Variants in KCNQ5 observed in about 807,000 individuals in gnomAD.
KCNQ5 encodes the protein potassium voltage-gated channel subfamily KQT member 5.
In KCNQ5, 30 loss-of-function variants were observed where a neutral mutation model predicts 98.2. The ratio of observed to expected loss-of-function variants is 0.31; its 90% CI spans 0.23 to 0.41. The LOEUF (loss-of-function observed/expected upper bound fraction) is 0.41. Among genes scored for constraint, KCNQ5 ranks in the 10% least tolerant of loss-of-function variants. The probability of loss-of-function intolerance (pLI) is 1.00; values close to 1 mark genes in which losing one functional copy is unlikely to be tolerated. For missense variants in KCNQ5, 835 were observed against 1,182.5 expected (o/e 0.71, Z 4.31); for synonymous variants, 458 against 449.4 (o/e 1.02, Z -0.24).
chr6:73,043,056 G>A (rs1771786926), intron 3 of KCNQ5: 1 of 306,440 alleles, frequency 3.3e-6, no homozygotes, highest in South Asian at 3.1e-5. Context: ...CAGGTTTTCT[G>A]TTTTGTTTTA....
intron 1 of KCNQ5, among the ~76,000 whole-genome samples, chr6:72,659,167 A>G (rs1406023999): frequency 6.6e-6 from 1 of 152,116 alleles, no homozygotes; most frequent in Non-Finnish European, 1.5e-5. Flanking sequence ...ATAGTAATCC[A>G]CTTTTAAATT....
At chr6:72,872,622 G>T (rs932049512) in intron 1 of KCNQ5, among the ~76,000 whole-genome samples, 1 of 152,018 alleles carries the variant, frequency 6.6e-6, no homozygotes, top group Non-Finnish European at 1.5e-5. Context: ...TTCAGCCAAG[G>T]TCACACAACT....
chr6:72,744,826 GA>G (rs1771302424), intron 1 of KCNQ5, among the ~76,000 whole-genome samples: 1 of 151,544 alleles, frequency 6.6e-6, no homozygotes, highest in Admixed American at 6.6e-5. Flanking sequence ...AAAAGAAAAA[GA>G]AAAAGAAAAA....
intron 1 of KCNQ5, among the ~76,000 whole-genome samples, chr6:72,673,570 G>T (rs1767248830): frequency 6.6e-6 from 1 of 152,136 alleles, no homozygotes; most frequent in Non-Finnish European, 1.5e-5. Flanking sequence ...AGTCTGGAGT[G>T]TAGGGATTCA....
intron 1 of KCNQ5, among the ~76,000 whole-genome samples, chr6:72,648,496 A>G (rs1765715144): frequency 6.6e-6 from 1 of 152,138 alleles, no homozygotes; most frequent in South Asian, 2.1e-4. Context: ...GTGCAAAAAC[A>G]TTTTTATAGT....
Position 73,194,505 on chromosome 6 carries a change from C to T in KCNQ5, c.1890C>T (p.Val630=), listed in dbSNP as rs76981234. 1.6e-3 allele frequency: 2,533 copies of T among 1,614,160 alleles called. 44 individuals carry two copies. The African/African-American group carries it at 0.031, about 19-fold the overall frequency. The change falls in exon 14 of 14, where the codon GTC becomes GTT. Residue 630 remains valine (V), a synonymous_variant. Coordinates refer to ENST00000370398, the MANE Select transcript of KCNQ5 (RefSeq NM_019842.4). ...GCCTACTAGACATCTATCAACAGGT[C>T]CTTCGGAAAGGCTCTGCCTCAGCCC... The part of the protein sequence containing the change: ...LDCLLDIYQQ[V]LRKGSASALA...
chr6:73,064,840 A>G (rs1339362010), intron 3 of KCNQ5, among the ~76,000 whole-genome samples: 1 of 152,204 alleles, frequency 6.6e-6, no homozygotes, highest in African/African-American at 2.4e-5. Flanking sequence ...AAGATACTAG[A>G]CTATGCCTTA....
At chr6:73,129,481 A>G (rs1360421007) in intron 9 of KCNQ5, among the ~76,000 whole-genome samples, 3 of 152,328 alleles carry the variant, frequency 2.0e-5, no homozygotes, top group Admixed American at 1.3e-4. Context: ...CATTTATACT[A>G]TGTGTTATTG....
chr6:72,669,431 C>G (rs1766987085), intron 1 of KCNQ5, among the ~76,000 whole-genome samples: 1 of 152,172 alleles, frequency 6.6e-6, no homozygotes, highest in Non-Finnish European at 1.5e-5. Context: ...GAATAATCCT[C>G]ATTGACTTTC....
intron 1 of KCNQ5, among the ~76,000 whole-genome samples, chr6:72,954,776 A>C (rs957661670): frequency 6.6e-6 from 1 of 152,190 alleles, no homozygotes; most frequent in African/African-American, 2.4e-5. Flanking sequence ...GGTTGGTTCC[A>C]TCTGTGTGGT....
At chr6:72,749,965 A>G (rs1211701511) in intron 1 of KCNQ5, among the ~76,000 whole-genome samples, 1 of 152,174 alleles carries the variant, frequency 6.6e-6, no homozygotes, top group Admixed American at 6.6e-5. Flanking sequence ...AACCTTTTTT[A>G]AAACCTGTAA....
chr6:72,863,813 T>C (rs1777865073), intron 1 of KCNQ5, among the ~76,000 whole-genome samples: 1 of 152,218 alleles, frequency 6.6e-6, no homozygotes, highest in African/African-American at 2.4e-5. Context: ...TGAAATGTAA[T>C]CCAAAAATTA....
intron 3 of KCNQ5, chr6:73,055,382 A>AT: frequency 1.3e-6 from 2 of 1,489,118 alleles, no homozygotes; most frequent in Non-Finnish European, 1.9e-6. Context: ...AGCCGGTCTC[A>AT]ATAAAGCAGA....
intron 1 of KCNQ5, among the ~76,000 whole-genome samples, chr6:72,773,843 A>G (rs566945420): frequency 1.2e-4 from 18 of 152,246 alleles, no homozygotes; most frequent in Middle Eastern, 6.8e-3. Context: ...ATGGATTTAT[A>G]TTACAAAATA....
chr6:73,043,068 G>A (rs1279138436), intron 3 of KCNQ5: 2 of 348,482 alleles, frequency 5.7e-6, no homozygotes, highest in Non-Finnish European at 1.2e-5. Context: ...TTTGTTTTAG[G>A]AGTCAGGAAT....
intron 1 of KCNQ5, among the ~76,000 whole-genome samples, chr6:72,997,085 C>T (rs913221469): frequency 1.3e-5 from 2 of 152,064 alleles, no homozygotes; most frequent in Non-Finnish European, 2.9e-5. Flanking sequence ...AGGGCTATGC[C>T]GCCGTAAAAT....
chr6:72,897,630 A>G (rs1337295824), intron 1 of KCNQ5, among the ~76,000 whole-genome samples: 2 of 152,200 alleles, frequency 1.3e-5, no homozygotes, highest in East Asian at 1.9e-4. Flanking sequence ...ATATGAAAAT[A>G]CTTGGTAAAC....
intron 1 of KCNQ5, among the ~76,000 whole-genome samples, chr6:72,668,673 G>T (rs1766946166): frequency 6.6e-6 from 1 of 151,774 alleles, no homozygotes; most frequent in African/African-American, 2.4e-5. Context: ...CAGTTCTGGA[G>T]GCTGGAAGTT....
intron 1 of KCNQ5, among the ~76,000 whole-genome samples, chr6:72,912,266 A>G (rs953646457): frequency 6.6e-6 from 1 of 151,694 alleles, no homozygotes; most frequent in African/African-American, 2.4e-5. Context: ...TAGGTAAATC[A>G]AAAAAAAACT....
Sources: allele counts gnomAD v4.1 joint callset (sites outside exome capture counted in the v4.1 genomes callset), GRCh38; gene constraint gnomAD v4.1.1; transcripts MANE v1.5; gene names NCBI Gene and HGNC (gene_info 2026-07-23, HGNC 2026-07-21).